Variants in SGCZ observed in about 807,000 individuals in gnomAD.
The protein encoded by SGCZ is zeta-sarcoglycan.
A neutral mutation model predicts 41.3 loss-of-function variants in SGCZ; 40 were observed. The ratio of observed to expected loss-of-function variants is 0.97; its 90% CI spans 0.75 to 1.26. The LOEUF (loss-of-function observed/expected upper bound fraction) is 1.26. Among genes scored for constraint, SGCZ ranks in the 50% most tolerant of loss-of-function variants. The probability of loss-of-function intolerance (pLI) is 0.00; values close to 1 mark genes in which losing one functional copy is unlikely to be tolerated. For synonymous variants in SGCZ, 206 were observed against 137.5 expected (o/e 1.50, Z -3.49); for missense variants, 552 against 369.8 (o/e 1.49, Z -4.04).
intron 7 of SGCZ, among the ~76,000 whole-genome samples, chr8:14,094,645 A>T (rs559306253): frequency 5.2e-4 from 79 of 152,266 alleles, no homozygotes; most frequent in African/African-American, 1.9e-3. Flanking sequence ...TTTTGGGTAT[A>T]ATCACAGTAA....
At chr8:14,398,612 A>C (rs1798985779) in intron 2 of SGCZ, among the ~76,000 whole-genome samples, 2 of 149,826 alleles carry the variant, frequency 1.3e-5, no homozygotes, top group Non-Finnish European at 2.9e-5. Context: ...TGGGAGAACA[A>C]AGAAAAGGCT....
chr8:15,022,126 T>C (rs1233434793), intron 1 of SGCZ, among the ~76,000 whole-genome samples: 1 of 152,226 alleles, frequency 6.6e-6, no homozygotes, highest in Non-Finnish European at 1.5e-5. Flanking sequence ...ACAATGATAA[T>C]TTCAAACTCT....
intron 2 of SGCZ, among the ~76,000 whole-genome samples, chr8:14,355,478 G>A (rs1006465465): frequency 6.6e-6 from 1 of 151,902 alleles, no homozygotes; most frequent in African/African-American, 2.4e-5. Context: ...AAGACTTTTT[G>A]AATCTCTAGA....
At chr8:15,232,669 GTGTGTGTATATATATATATA>G (rs1801982451) in intron 1 of SGCZ, among the ~76,000 whole-genome samples, 2 of 113,738 alleles carry the variant, frequency 1.8e-5, no homozygotes, top group Non-Finnish European at 4.0e-5. Flanking sequence ...ACATATATAT[GTGTGTGTATATATATATATA>G]TGTGTGTATA....
intron 2 of SGCZ, among the ~76,000 whole-genome samples, chr8:14,551,544 T>TATATATTATATATTATATATA (rs1803845790): frequency 3.2e-4 from 2 of 6,210 alleles, no homozygotes; most frequent in Admixed American, 5.7e-3. Flanking sequence ...ATATATATAA[T>TATATATTATATATTATATATA]ATATATAATA....
intron 1 of SGCZ, among the ~76,000 whole-genome samples, chr8:15,066,749 T>G (rs1805163993): frequency 6.6e-6 from 1 of 152,232 alleles, no homozygotes; most frequent in East Asian, 1.9e-4. Context: ...TGATTTCCAT[T>G]TCATAACTCT....
At chr8:14,439,158 G>A (rs1336099197) in intron 2 of SGCZ, among the ~76,000 whole-genome samples, 1 of 151,894 alleles carries the variant, frequency 6.6e-6, no homozygotes, top group East Asian at 1.9e-4. Flanking sequence ...TTGTTAAAGG[G>A]AAGAATTATT....
At chr8:15,149,905 A>G (rs1438215400) in intron 1 of SGCZ, among the ~76,000 whole-genome samples, 2 of 152,206 alleles carry the variant, frequency 1.3e-5, no homozygotes, top group East Asian at 3.9e-4. Flanking sequence ...GTGCATCAAC[A>G]GAGACCTGGA....
At chr8:14,364,400 G>A (rs185653724) in intron 2 of SGCZ, among the ~76,000 whole-genome samples, 1 of 152,068 alleles carries the variant, frequency 6.6e-6, no homozygotes, top group African/African-American at 2.4e-5. Context: ...TAAATCATGG[G>A]AAATGTATAT....
At chr8:14,441,328 G>A (rs767050611) in intron 2 of SGCZ, among the ~76,000 whole-genome samples, 30 of 152,296 alleles carry the variant, frequency 2.0e-4, no homozygotes, top group Non-Finnish European at 3.7e-4. Context: ...CGTAATCCCA[G>A]CACTTTGGGA....
chr8:14,392,957 T>C (rs894487413), intron 2 of SGCZ, among the ~76,000 whole-genome samples: 1 of 152,158 alleles, frequency 6.6e-6, no homozygotes, highest in South Asian at 2.1e-4. Flanking sequence ...TTTATTACAC[T>C]TTGTACTTAA....
intron 4 of SGCZ, among the ~76,000 whole-genome samples, chr8:14,216,206 T>A (rs571207563): frequency 2.4e-4 from 37 of 152,188 alleles, no homozygotes; most frequent in Non-Finnish European, 4.3e-4. Flanking sequence ...CCCCTTGTTA[T>A]CTAACCTAAG....
At chr8:15,176,550 T>C (rs1043984055) in intron 1 of SGCZ, among the ~76,000 whole-genome samples, 3 of 152,214 alleles carry the variant, frequency 2.0e-5, no homozygotes, top group Non-Finnish European at 2.9e-5. Context: ...GCCATGGAAA[T>C]TTGAAAGTAA....
intron 4 of SGCZ, among the ~76,000 whole-genome samples, chr8:14,219,680 G>C (rs777074510): frequency 2.0e-5 from 3 of 152,062 alleles, no homozygotes; most frequent in Admixed American, 6.6e-5. Flanking sequence ...TTGGGAGCTG[G>C]AGGTTGCAGT....
intron 2 of SGCZ, among the ~76,000 whole-genome samples, chr8:14,336,375 A>G (rs544887193): frequency 6.6e-6 from 1 of 152,268 alleles, no homozygotes; most frequent in South Asian, 2.1e-4. Flanking sequence ...TGTCTTTGAT[A>G]TTATGAATAG....
intron 1 of SGCZ, among the ~76,000 whole-genome samples, chr8:15,047,933 T>C (rs1379428931): frequency 6.6e-6 from 1 of 151,966 alleles, no homozygotes; most frequent in African/African-American, 2.4e-5. Flanking sequence ...TGGAGGTTTC[T>C]CAGACAATTA....
intron 4 of SGCZ, among the ~76,000 whole-genome samples, chr8:14,210,076 G>A (rs986410525): frequency 6.6e-6 from 1 of 151,882 alleles, no homozygotes; most frequent in Non-Finnish European, 1.5e-5. Context: ...CTCTTTCTTT[G>A]AGACAGGGTC....
At chr8:14,793,882 T>G (rs1801039208) in intron 1 of SGCZ, among the ~76,000 whole-genome samples, 1 of 152,100 alleles carries the variant, frequency 6.6e-6, no homozygotes, top group Admixed American at 6.6e-5. Context: ...ACATGAGAAA[T>G]GATGAATATA....
chr8:14,201,228 A>G (rs1805444127), intron 4 of SGCZ, among the ~76,000 whole-genome samples: 1 of 152,148 alleles, frequency 6.6e-6, no homozygotes, highest in Middle Eastern at 3.2e-3. Context: ...TCTAATATGA[A>G]TAAACCTACA....
Sources: gnomAD v4.1 joint callset for allele counts (sites outside exome capture counted in the v4.1 genomes callset) on GRCh38, gnomAD v4.1.1 for gene constraint, MANE v1.5 for transcripts, NCBI Gene and HGNC (gene_info 2026-07-23, HGNC 2026-07-21) for gene names.